The following TMEM53 variants were observed in gnomAD, a reference collection of about 807,000 sequenced individuals.
TMEM53 encodes the protein transmembrane protein 53, also known as novel DUF829 domain-containing protein.
TMEM53 carries 14 observed loss-of-function variants against 21.4 expected under a neutral mutation model. That is an observed-to-expected ratio of 0.65 (90% CI 0.43 to 1.02). The LOEUF (loss-of-function observed/expected upper bound fraction) is 1.02, where lower values mean the gene tolerates loss of function less well. Ranked by LOEUF, TMEM53 falls within the 50% of genes least tolerant of loss-of-function variation. The pLI, the probability that TMEM53 is intolerant of heterozygous loss-of-function variation, is 0.00. For missense variants in TMEM53, 323 were observed against 383.6 expected (o/e 0.84, Z 1.32); for synonymous variants, 148 against 157.4 (o/e 0.94, Z 0.45).
intron 1 of TMEM53, among the ~76,000 whole-genome samples, chr1:44,660,792 G>A: frequency 6.6e-6 from 1 of 151,638 alleles, no homozygotes; most frequent in East Asian, 1.9e-4. Flanking sequence ...AGACCATCCT[G>A]GCTAAGACAA....
rs751539889 is a variant in TMEM53, at chr1:44,674,376, G to C, written c.16C>G (p.Leu6Val). 7.4e-6 allele frequency: 12 copies of C among 1,612,236 alleles called. No homozygotes were observed. In the Middle Eastern group the frequency reaches 6.6e-4, roughly 89 times the overall value. ...TCCGGGATCTCGATGGTGTAGTCCA[G>C]CTCTGCCGAGGCCATGGTGAAGGCG... is the stretch of plus-strand genomic sequence containing the variant. MASAE[L>V]DYTIEIPDQP... is the part of the protein sequence containing the mutation. Residue 6 changes from leucine to valine, a missense_variant, in exon 1 of 3, where the codon CTG becomes GTG. By Grantham distance (32) the Leu-to-Val change is conservative (BLOSUM62 1). Transcript: ENST00000372237.
intron 1 of TMEM53, among the ~76,000 whole-genome samples, chr1:44,660,904 C>T (rs1644895517): frequency 6.7e-6 from 1 of 149,034 alleles, no homozygotes; most frequent in African/African-American, 2.5e-5. Flanking sequence ...ACCTGGGAGG[C>T]GGAGCTTGCC....
In TMEM53 at chr1:44,654,497, G is replaced by C. The variant is rs959760641; in HGVS notation, c.*62C>G. On this transcript the variant is annotated 3_prime_UTR_variant, in exon 3 of 3. Transcript: ENST00000372237. The surrounding 1 kb of genome is among the most constrained non-coding windows in gnomAD (Gnocchi z 7.0). ...GAACGAGAAGAGTGCCCGACAGATT[G>C]CAGGTTGTGGGGAGGTGTCAGGCAT... 1.9e-6 allele frequency: 3 copies of C among 1,544,364 alleles called. No homozygotes were observed. The highest frequency in any genetic ancestry group is 1.7e-5 in the Admixed American group (1 of 57,574).
At chr1:44,674,216 G>C in intron 1 of TMEM53, 115 bp downstream of exon 1, 1 of 1,454,404 alleles carries the variant, frequency 6.9e-7, no homozygotes, top group Non-Finnish European at 9.1e-7. Context: ...GACCCTATGA[G>C]GGGGCGGCCC....
chr1:44,674,056 C>T (rs1420973852), intron 1 of TMEM53: 1 of 985,350 alleles, frequency 1.0e-6, no homozygotes. Flanking sequence ...AGGGCATGGA[C>T]CTGAGCACCC....
chr1:44,656,453 C>T (rs1344678419), intron 2 of TMEM53, among the ~76,000 whole-genome samples: 1 of 152,138 alleles, frequency 6.6e-6, no homozygotes, highest in African/African-American at 2.4e-5. Flanking sequence ...TTGCCATCAG[C>T]CGCCTGACCT....
At chr1:44,657,029 A>C (rs1644856974) in intron 2 of TMEM53, among the ~76,000 whole-genome samples, 1 of 151,062 alleles carries the variant, frequency 6.6e-6, no homozygotes. Flanking sequence ...AAAAAAGAAC[A>C]ACAACAAAAA....
Position 44,654,203 on chromosome 1 carries a change from A to T in TMEM53, c.*356T>A. 1 of 208,168 alleles carries T rather than the reference A, an allele frequency of 4.8e-6. No homozygotes were observed. 12.9% of individuals were successfully genotyped at this position (208,168 alleles called of 1,614,324 possible). On this transcript the variant is annotated 3_prime_UTR_variant, in exon 3 of 3. Coordinates refer to ENST00000372237, the MANE Select transcript of TMEM53 (RefSeq NM_024587.4). The surrounding 1 kb of genome is among the most constrained non-coding windows in gnomAD (Gnocchi z 7.0). ...ATTAAATGTTCTTACCAGAGTTTAA[A>T]TTTTAAAAAATCAACTAGGGCTCAC...
intron 1 of TMEM53, among the ~76,000 whole-genome samples, chr1:44,667,283 C>A (rs115215020): frequency 6.6e-6 from 1 of 151,200 alleles, no homozygotes; most frequent in South Asian, 2.1e-4. Flanking sequence ...CATATACACA[C>A]ACATACTACA....
At chr1:44,674,011 G>A (rs1265292361) in intron 1 of TMEM53, 2 of 985,466 alleles carry the variant, frequency 2.0e-6, no homozygotes, top group South Asian at 4.7e-5. Context: ...GAGGGATCCA[G>A]CTTTCGGCAG....
At chr1:44,656,648 A>G (rs966246118) in intron 2 of TMEM53, among the ~76,000 whole-genome samples, 1 of 152,190 alleles carries the variant, frequency 6.6e-6, no homozygotes, top group Non-Finnish European at 1.5e-5. Context: ...AGTCTCTTCA[A>G]TAAGCCAGTA....
intron 1 of TMEM53, among the ~76,000 whole-genome samples, chr1:44,669,357 T>A (rs969800516): frequency 6.6e-6 from 1 of 152,212 alleles, no homozygotes; most frequent in Admixed American, 6.5e-5. Flanking sequence ...TGTTTCCAAT[T>A]TTTTGCTGTT....
rs781324228 is a variant in TMEM53 at position 44,654,712 on chromosome 1, G to A, written c.681C>T (p.Asp227=). The A allele has an allele frequency of 6.2e-7, 1 of 1,614,158 alleles. No homozygotes were observed. Among genetic ancestry groups the A allele is most frequent in the South Asian group, 1.1e-5 (1 of 91,088 alleles). The change falls in exon 3 of 3, where the codon GAC becomes GAT. Residue 227 remains aspartate (D), a synonymous_variant. Transcript: ENST00000372237. The surrounding 1 kb of genome is among the most constrained non-coding windows in gnomAD (Gnocchi z 7.0). ...GGCGTGCCTCCACCATGCGTTCTAT[G>A]TCTCTGGCCAGGACTACTTCGTCAG... The part of the protein sequence containing the change: ...SRADEVVLAR[D]IERMVEARLA...
intron 2 of TMEM53, among the ~76,000 whole-genome samples, chr1:44,659,519 C>G (rs942610269): frequency 2.2e-4 from 33 of 152,222 alleles, no homozygotes; most frequent in African/African-American, 7.5e-4. Flanking sequence ...CCAAGAGGCC[C>G]TACTAGTCTG....
At chr1:44,656,441 C>G (rs1426035996) in intron 2 of TMEM53, among the ~76,000 whole-genome samples, 3 of 152,108 alleles carry the variant, frequency 2.0e-5, no homozygotes, top group Non-Finnish European at 4.4e-5. Flanking sequence ...AGCAGAGGTA[C>G]CTTGCCATCA....
In TMEM53 at chr1:44,674,405, G is replaced by A. The variant is rs375352441; in HGVS notation, c.-14C>T. The stretch of plus-strand genomic sequence containing the variant: ...TGCCGAGGCCATGGTGAAGGCGCCG[G>A]CCCAGAGCACGGGTCTCCAGCCGGA... On this transcript the variant is annotated 5_prime_UTR_variant, in exon 1 of 3. Coordinates refer to ENST00000372237, the MANE Select transcript of TMEM53 (RefSeq NM_024587.4). 2.0e-5 allele frequency: 32 copies of A among 1,607,296 alleles called. No individual in the cohort carries two copies. The African/African-American group carries it at 2.5e-4, about 13-fold the overall frequency.
At chr1:44,671,883 C>T (rs574805853) in intron 1 of TMEM53, among the ~76,000 whole-genome samples, 2 of 152,288 alleles carry the variant, frequency 1.3e-5, no homozygotes, top group East Asian at 1.9e-4. Flanking sequence ...GAACTGAGAT[C>T]GTGCCACTGC....
At chr1:44,663,021 C>T (rs1644914829) in intron 1 of TMEM53, among the ~76,000 whole-genome samples, 1 of 152,196 alleles carries the variant, frequency 6.6e-6, no homozygotes, top group East Asian at 1.9e-4. Flanking sequence ...ACTGCCTACT[C>T]CCATAGCCCA....
intron 2 of TMEM53, among the ~76,000 whole-genome samples, chr1:44,658,261 T>G (rs1022456673): frequency 1.3e-5 from 2 of 151,984 alleles, no homozygotes; most frequent in Admixed American, 1.3e-4. Flanking sequence ...GCCTATGGAT[T>G]CTCTTCTAGT....
Sources: allele counts gnomAD v4.1 joint callset (sites outside exome capture counted in the v4.1 genomes callset), GRCh38; gene constraint gnomAD v4.1.1; non-coding constraint Gnocchi (gnomAD v3.1); transcripts MANE v1.5; gene names NCBI Gene and HGNC (gene_info 2026-07-23, HGNC 2026-07-21).